Variants in MTERF4 observed in about 807,000 individuals in gnomAD.
The protein encoded by MTERF4 is transcription termination factor 4, mitochondrial.
MTERF4 carries 17 observed loss-of-function variants against 22.5 expected under a neutral mutation model. The ratio of observed to expected loss-of-function variants is 0.75; its 90% CI spans 0.52 to 1.13. The LOEUF (loss-of-function observed/expected upper bound fraction) is 1.13, where lower values mean the gene tolerates loss of function less well. Ranked by LOEUF, MTERF4 falls within the 50% of genes most tolerant of loss-of-function variation. The pLI, the probability that MTERF4 is intolerant of heterozygous loss-of-function variation, is 0.00. For synonymous variants in MTERF4, 165 were observed against 175.3 expected (o/e 0.94, Z 0.47); for missense variants, 420 against 466.8 (o/e 0.90, Z 0.92).
downstream of MTERF4, among the ~76,000 whole-genome samples, chr2:241,082,956 T>C (rs1859927): frequency 0.33 from 50,118 of 151,604 alleles, 12,206 homozygotes; most frequent in African/African-American, 0.67. Context: ...ACTTACTGAG[T>C]ACCTGCTGTG....
chr2:241,063,907 G>C, the MTERF4 span: 1 of 915,212 alleles, frequency 1.1e-6, no homozygotes. Context: ...CCTCTCTCCT[G>C]GCCTCCGCCC....
At chr2:241,064,365 C>A in the MTERF4 span, among the ~76,000 whole-genome samples, 3 of 152,192 alleles carry the variant, frequency 2.0e-5, no homozygotes, top group South Asian at 6.2e-4. This position sits in a 1 kb window ranked among gnomAD's most constrained non-coding sequence, Gnocchi z 7.0. Flanking sequence ...AGACACCCCT[C>A]TTCACCCGAG....
Position 241,073,235 on chromosome 2 carries a change from C to A in MTERF4, n.2927G>T. The A allele has an allele frequency of 2.0e-6, 3 of 1,506,420 alleles. No homozygotes were observed. Among genetic ancestry groups the A allele is most frequent in the Non-Finnish European group, 2.7e-6 (3 of 1,107,168 alleles). 93.3% of individuals were successfully genotyped at this position (1,506,420 alleles called of 1,614,324 possible). A position where few individuals can be genotyped will look rare whatever the true frequency, so the allele number is the denominator to read the frequency against. ...GACCATCCCGGGTGCAAAGCAGCTG[C>A]GCCGTGTGGTCACCGCCTGGCTTCT... is the stretch of plus-strand genomic sequence containing the variant. On this transcript the variant is annotated non_coding_transcript_exon_variant, in exon 5 of 5. Coordinates refer to the MTERF4 transcript ENST00000464344. This position sits in a 1 kb window ranked among gnomAD's most constrained non-coding sequence, Gnocchi z 6.6.
At chr2:241,065,006 C>T in the MTERF4 span, 9 of 1,397,074 alleles carry the variant, frequency 6.4e-6, no homozygotes, top group Non-Finnish European at 8.7e-6. Context: ...GGGGTCCCCT[C>T]TCCCTAGAGG....
chr2:241,067,956 G>A (rs1410106903), downstream of MTERF4: 1 of 1,602,406 alleles, frequency 6.2e-7, no homozygotes, highest in South Asian at 1.1e-5. Flanking sequence ...AGGTAAGAAG[G>A]GACACCCAGA....
exon 5 of MTERF4, chr2:241,072,883 G>T (rs779896722): frequency 7.3e-6 from 2 of 275,172 alleles, no homozygotes; most frequent in Non-Finnish European, 1.4e-5. Flanking sequence ...GGGCAGCTCA[G>T]AAAGAGCAGG....
the MTERF4 span, chr2:241,063,884 C>CCTGCCCA: frequency 2.4e-5 from 19 of 789,578 alleles, no homozygotes; most frequent in East Asian, 4.0e-4. Context: ...AGGGGCGGGA[C>CCTGCCCA]CTGCCCACTG....
At chr2:241,102,202 T>TGCCC in intron 1 of MTERF4, 51 bp downstream of exon 1, 3 of 1,547,558 alleles carry the variant, frequency 1.9e-6, no homozygotes, top group Non-Finnish European at 2.6e-6. Context: ...TCTGCGTCGC[T>TGCCC]GCCCGCCCGC....
At chr2:241,050,967 G>C in the MTERF4 span, among the ~76,000 whole-genome samples, 1 of 152,370 alleles carries the variant, frequency 6.6e-6, no homozygotes, top group Admixed American at 6.5e-5. Context: ...GAGCACACAG[G>C]CCACCAATGT....
the MTERF4 span, among the ~76,000 whole-genome samples, chr2:241,062,630 C>A: frequency 6.6e-6 from 1 of 152,238 alleles, no homozygotes; most frequent in Non-Finnish European, 1.5e-5. Flanking sequence ...GGCCCACTGC[C>A]CTGCCCCGAC....
chr2:241,053,858 T>C, the MTERF4 span, among the ~76,000 whole-genome samples: 1 of 152,266 alleles, frequency 6.6e-6, no homozygotes, highest in East Asian at 1.9e-4. Flanking sequence ...CCTGGAGAAG[T>C]AGGGCCATTA....
chr2:241,101,092 T>C (rs2064683807), intron 1 of MTERF4: 2 of 452,390 alleles, frequency 4.4e-6, no homozygotes, highest in Non-Finnish European at 4.7e-6. Context: ...TTCAAGCATA[T>C]TACATTTGTT....
At chr2:241,087,450 A>C, downstream of MTERF4, 1 of 1,603,054 alleles carries the variant, frequency 6.2e-7, no homozygotes, top group East Asian at 2.3e-5. Flanking sequence ...CTGTGAAAGC[A>C]CAAGCCTCAA....
chr2:241,066,615 G>A, the MTERF4 span, among the ~76,000 whole-genome samples: 2 of 151,218 alleles, frequency 1.3e-5, no homozygotes, highest in Admixed American at 6.6e-5. Context: ...AGACTGCTGC[G>A]AAGTGGCGTG....
downstream of MTERF4, among the ~76,000 whole-genome samples, chr2:241,082,829 T>G (rs2063393777): frequency 6.6e-6 from 1 of 152,234 alleles, no homozygotes; most frequent in African/African-American, 2.4e-5. Flanking sequence ...AGCCCATCTC[T>G]TAGGTCCTTT....
At chr2:241,072,399 G>A (rs1471812488) in exon 5 of MTERF4, 1 of 363,078 alleles carries the variant, frequency 2.8e-6, no homozygotes, top group African/African-American at 2.1e-5. Flanking sequence ...ATCTGCCTGT[G>A]ATTCTGACAC....
chr2:241,052,248 C>A, the MTERF4 span: 1 of 1,453,014 alleles, frequency 6.9e-7, no homozygotes, highest in Non-Finnish European at 9.6e-7. Flanking sequence ...CTGGTCCAGG[C>A]CCTGGAGGCG....
the MTERF4 span, among the ~76,000 whole-genome samples, chr2:241,061,597 A>G: frequency 6.6e-6 from 1 of 152,192 alleles, no homozygotes; most frequent in Non-Finnish European, 1.5e-5. Context: ...TTGTAAAAGC[A>G]AAAAGTCTAG....
downstream of MTERF4, chr2:241,088,819 CG>C: frequency 4.5e-6 from 1 of 222,488 alleles, no homozygotes; most frequent in Non-Finnish European, 8.8e-6. Context: ...TGAGAAATTC[CG>C]GGGGCTCCAG....
Sources: allele counts gnomAD v4.1 joint callset (sites outside exome capture counted in the v4.1 genomes callset), GRCh38; gene constraint gnomAD v4.1.1; non-coding constraint Gnocchi (gnomAD v3.1); transcripts MANE v1.5; gene names NCBI Gene and HGNC (gene_info 2026-07-23, HGNC 2026-07-21).